LIPF: variants seen among roughly 807,000 people sequenced by gnomAD.
LIPF encodes gastric triacylglycerol lipase.
LIPF carries 25 observed loss-of-function variants against 38.0 expected under a neutral mutation model. The ratio of observed to expected loss-of-function variants is 0.66; its 90% confidence interval spans 0.48 to 0.92. The LOEUF (loss-of-function observed/expected upper bound fraction) is 0.92. Ranked by LOEUF, LIPF falls within the 40% of genes least tolerant of loss-of-function variation. The probability of loss-of-function intolerance (pLI) is 0.00; values close to 1 mark genes in which losing one functional copy is unlikely to be tolerated. For missense variants in LIPF, 410 were observed against 469.9 expected (o/e 0.87, Z 1.18); for synonymous variants, 161 against 156.2 (o/e 1.03, Z -0.23).
intron 1 of LIPF, among the ~76,000 whole-genome samples, chr10:88,665,220 T>C (rs893591704): frequency 6.6e-6 from 1 of 152,186 alleles, no homozygotes; most frequent in Non-Finnish European, 1.5e-5. Context: ...CTTCATAGAG[T>C]TGCTATGAGA....
intron 6 of LIPF, among the ~76,000 whole-genome samples, chr10:88,672,662 A>ACTCTCTCT (rs1281006210): frequency 1.9e-3 from 237 of 126,058 alleles, no homozygotes; most frequent in Middle Eastern, 8.5e-3. Context: ...ACACACACAC[A>ACTCTCTCT]CACACACACT....
chr10:88,672,076 A>C, intron 6 of LIPF, 111 bp downstream of exon 6: 1 of 1,062,196 alleles, frequency 9.4e-7, no homozygotes, highest in East Asian at 2.5e-5. Flanking sequence ...TTTTATATCC[A>C]AAAATGGAAC....
At chr10:88,677,662 G>C (rs1452937648) in intron 9 of LIPF, among the ~76,000 whole-genome samples, 1 of 152,072 alleles carries the variant, frequency 6.6e-6, no homozygotes, top group Non-Finnish European at 1.5e-5. Context: ...TGAGAATACA[G>C]AAACTTTTAG....
rs187502877 is a variant in LIPF at position 88,673,471 on chromosome 10, T to C, written c.670-117T>C. 256 of 815,320 alleles carry C rather than the reference T, an allele frequency of 3.1e-4. 2 individuals are homozygous for C. The East Asian group carries it at 6.0e-3, about 19-fold the overall frequency. The allele number at this position is 815,320 out of a possible 1,614,324, so 50.5% of individuals were successfully genotyped here. ...TATTGGAAATTCCTAAAACAACATG[T>C]AAGAATAAGAATATATCATCATCCT... On this transcript the variant is annotated intron_variant, in intron 6 of 9. Transcript: ENST00000238983.
intron 9 of LIPF, 146 bp downstream of exon 9, chr10:88,676,426 T>C: frequency 1.6e-6 from 1 of 616,544 alleles, no homozygotes; most frequent in Admixed American, 3.1e-5. Flanking sequence ...TGACTATGCA[T>C]TCCTGCTCTG....
At position 88,667,638 on chromosome 10, in the gene LIPF, C is replaced by A; in HGVS notation, c.175C>A (p.Leu59Ile). ...AGTTGTGACTGAAGATGGTTATATT[C>A]TTGAAGTCAATAGAATTCCTTATGG... ...YEVVTEDGYILEVNRIPYGKK... is the reference protein window; with the variant it reads ...YEVVTEDGYIIEVNRIPYGKK... Residue 59 changes from leucine (L) to isoleucine (I), a missense_variant, in exon 3 of 10, where the codon CTT (leucine) becomes ATT (isoleucine). Leu to Ile is a conservative substitution (Grantham distance 5, BLOSUM62 2). Coordinates refer to ENST00000238983, the MANE Select transcript of LIPF (RefSeq NM_004190.4). 1 of 1,593,686 alleles carries A rather than the reference C, an allele frequency of 6.3e-7. No individual in the cohort carries two copies.
chr10:88,669,978 A>G, intron 5 of LIPF, 32 bp downstream of exon 5: 1 of 1,403,174 alleles, frequency 7.1e-7, no homozygotes, highest in South Asian at 1.2e-5. Flanking sequence ...CAAGTGGTTT[A>G]CTTCTCATAA....
chr10:88,678,714 C>A lies in LIPF; in HGVS notation c.*33C>A. On this transcript the variant is annotated 3_prime_UTR_variant, in exon 10 of 10. Transcript: ENST00000238983. ...TTTAAAGAATTATCCGTTTGTTTTT[C>A]CAAAATACTTTATTCTCTCATACAT... is the stretch of plus-strand genomic sequence containing the variant. 1 of 1,413,872 alleles carries A rather than the reference C, an allele frequency of 7.1e-7. No homozygotes were observed. The highest frequency in any genetic ancestry group is 1.0e-6 in the Non-Finnish European group (1 of 1,001,286). 87.6% of individuals were successfully genotyped at this position (1,413,872 alleles called of 1,614,324 possible).
chr10:88,664,680 C>T (rs17111189), intron 1 of LIPF, among the ~76,000 whole-genome samples, 189 bp downstream of exon 1: 7,470 of 152,146 alleles, frequency 0.049, 234 homozygotes, highest in Middle Eastern at 0.088. Context: ...GGACATGAGA[C>T]TCTTAATTAT....
Position 88,673,711 on chromosome 10 carries a change from T to C in LIPF, c.793T>C (p.Phe265Leu). The part of the protein sequence containing the change: ...CSNALFIICG[F>L]DSKNFNTSRL... ...CAATGCCTTATTTATAATTTGTGGA[T>C]TTGACAGTAAGAACTTTAACACGGT... Residue 265 changes from phenylalanine to leucine, a missense_variant, in exon 7 of 10, where the codon TTT becomes CTT. Phe to Leu is a conservative substitution (Grantham distance 22, BLOSUM62 0). Coordinates refer to ENST00000238983, the MANE Select transcript of LIPF (RefSeq NM_004190.4). 2 of 1,613,300 alleles carry C rather than the reference T, an allele frequency of 1.2e-6. No homozygotes were observed. The highest frequency in any genetic ancestry group is 1.7e-6 in the Non-Finnish European group (2 of 1,179,530).
At chr10:88,665,737 A>ATTTTTTTTTTTTTTTT (rs68081693) in intron 1 of LIPF, among the ~76,000 whole-genome samples, 33 of 100,236 alleles carry the variant, frequency 3.3e-4, no homozygotes, top group Non-Finnish European at 4.8e-4. Context: ...TTAAAAACTG[A>ATTTTTTTTTTTTTTTT]TTTTTTTTTT....
At chr10:88,677,333 T>C (rs1841704183) in intron 9 of LIPF, among the ~76,000 whole-genome samples, 1 of 152,164 alleles carries the variant, frequency 6.6e-6, no homozygotes, top group Non-Finnish European at 1.5e-5. Flanking sequence ...CTAATACTCA[T>C]AATCAGAGGA....
intron 7 of LIPF, 149 bp downstream of exon 7, chr10:88,673,883 C>T: frequency 1.5e-6 from 1 of 683,574 alleles, no homozygotes; most frequent in South Asian, 1.9e-5. Context: ...AATCATTGCT[C>T]CCAATTTAAT....
intron 5 of LIPF, 135 bp downstream of exon 5, chr10:88,670,081 C>A (rs1841572267): frequency 3.1e-6 from 2 of 648,136 alleles, no homozygotes; most frequent in Non-Finnish European, 5.6e-6. Context: ...GACATAGGGA[C>A]AATTATAATT....
chr10:88,672,668 A>ACTCTCT (rs1177143873), intron 6 of LIPF, among the ~76,000 whole-genome samples: 2,693 of 116,338 alleles, frequency 0.023, 23 homozygotes, highest in Admixed American at 0.04. Context: ...ACACACACAC[A>ACTCTCT]CACTCTCTCT....
At chr10:88,664,658 T>A (rs1425574810) in intron 1 of LIPF, among the ~76,000 whole-genome samples, 167 bp downstream of exon 1, 1 of 152,048 alleles carries the variant, frequency 6.6e-6, no homozygotes, top group African/African-American at 2.4e-5. Context: ...TATTTTATTC[T>A]TTTTTTTGTA....
intron 6 of LIPF, among the ~76,000 whole-genome samples, chr10:88,672,205 T>C (rs1385405116): frequency 6.6e-6 from 1 of 152,190 alleles, no homozygotes; most frequent in Non-Finnish European, 1.5e-5. Context: ...TGGGAGTAGT[T>C]TTGCTTTTTC....
chr10:88,671,928 T>A lies in LIPF; in HGVS notation c.632T>A (p.Ile211Lys), dbSNP rs747343122. ...ACTGTGAAGTATACAAAAAGCCTTA[T>A]AAACAAACTTAGATTTGTTCCTCAA... ...VATVKYTKSL[I>K]NKLRFVPQSL... Residue 211 changes from isoleucine (I) to lysine (K), a missense_variant, in exon 6 of 10, where the codon ATA becomes AAA. Physicochemically the swap from Ile to Lys is moderately radical, Grantham distance 102 (BLOSUM62 -3). Coordinates refer to ENST00000238983, the MANE Select transcript of LIPF (RefSeq NM_004190.4). The A allele has an allele frequency of 1.2e-6, 2 of 1,612,894 alleles. No homozygotes were observed. The highest frequency in any genetic ancestry group is 2.2e-5 in the South Asian group (2 of 90,736).
intron 9 of LIPF, among the ~76,000 whole-genome samples, chr10:88,676,697 A>G (rs1460630858): frequency 6.6e-6 from 1 of 152,236 alleles, no homozygotes; most frequent in Non-Finnish European, 1.5e-5. Context: ...GAGTGATTTC[A>G]ATGGGATATA....
Sources: allele counts gnomAD v4.1 joint callset (sites outside exome capture counted in the v4.1 genomes callset), GRCh38; gene constraint gnomAD v4.1.1; transcripts MANE v1.5; gene names NCBI Gene and HGNC (gene_info 2026-07-23, HGNC 2026-07-21).